RPS6KA2: variants seen among roughly 807,000 people sequenced by gnomAD.
RPS6KA2 encodes the protein ribosomal protein S6 kinase alpha-2.
Under a neutral mutation model 91.8 loss-of-function variants are expected in RPS6KA2, and 42 were observed. The observed-to-expected ratio is 0.46, with a 90% CI of 0.36 to 0.59. RPS6KA2 has a LOEUF of 0.59. Ranked by LOEUF, RPS6KA2 falls within the 20% of genes least tolerant of loss-of-function variation. RPS6KA2 has a pLI of 0.00. For missense variants in RPS6KA2, 798 were observed against 978.5 expected (o/e 0.82, Z 2.46); for synonymous variants, 414 against 393.6 (o/e 1.05, Z -0.61).
At chr6:166,487,886 T>C (rs1265753152) in intron 10 of RPS6KA2, among the ~76,000 whole-genome samples, 2 of 152,232 alleles carry the variant, frequency 1.3e-5, no homozygotes, top group Non-Finnish European at 2.9e-5. Context: ...TTAGCTTCAC[T>C]TTCAATCACT....
intron 17 of RPS6KA2, among the ~76,000 whole-genome samples, chr6:166,421,720 AT>A (rs2128441062): frequency 6.6e-6 from 1 of 152,258 alleles, no homozygotes; most frequent in African/African-American, 2.4e-5. Flanking sequence ...AAATGAGAAG[AT>A]GTGTGTTAAT....
At chr6:166,605,126 G>A (rs983537248) in intron 1 of RPS6KA2, among the ~76,000 whole-genome samples, 4 of 152,146 alleles carry the variant, frequency 2.6e-5, no homozygotes, top group African/African-American at 9.7e-5. Context: ...ATTCTGGCGG[G>A]AGATGATGCA....
At chr6:166,593,358 C>T (rs1412578048) in intron 1 of RPS6KA2, among the ~76,000 whole-genome samples, 1 of 152,056 alleles carries the variant, frequency 6.6e-6, no homozygotes, top group Non-Finnish European at 1.5e-5. Flanking sequence ...AAAAACAGAA[C>T]ATTTGACAAA....
chr6:166,585,250 G>A (rs1179794711), intron 1 of RPS6KA2, among the ~76,000 whole-genome samples: 1 of 152,208 alleles, frequency 6.6e-6, no homozygotes, highest in East Asian at 1.9e-4. Flanking sequence ...AGCCGTCCTC[G>A]CTGGGATGGA....
intron 1 of RPS6KA2, among the ~76,000 whole-genome samples, chr6:166,581,810 C>T (rs1397160901): frequency 7.5e-6 from 1 of 133,026 alleles, no homozygotes; most frequent in Non-Finnish European, 1.6e-5. Context: ...GTGGGCTGGG[C>T]AGGAGGGCAC....
intron 14 of RPS6KA2, among the ~76,000 whole-genome samples, chr6:166,447,868 GC>G (rs1472438498): frequency 6.6e-6 from 1 of 152,236 alleles, no homozygotes; most frequent in Non-Finnish European, 1.5e-5. Flanking sequence ...ACCTCGCTCT[GC>G]GACAGCCTGG....
chr6:166,770,792 T>G lies in RPS6KA2; in HGVS notation c.123+87408A>C. On this transcript the variant is annotated intron_variant, in intron 2 of 21. Transcript: ENST00000503859. This position sits in a 1 kb window ranked among gnomAD's most constrained non-coding sequence, Gnocchi z 5.1. ...ACTCAATAAATTGAAAAAGACTTCATGTTTAACTTAAAAAAAAAATGTAAC... is the reference window on the plus strand; with the variant it reads ...ACTCAATAAATTGAAAAAGACTTCAGGTTTAACTTAAAAAAAAAATGTAAC... 1.4e-6 allele frequency: 2 copies of G among 1,410,082 alleles called. No individual in the cohort carries two copies. The highest frequency in any genetic ancestry group is 1.9e-6 in the Non-Finnish European group (2 of 1,036,302). The allele number at this position is 1,410,082 out of a possible 1,614,324, so 87.3% of individuals were successfully genotyped here.
At chr6:166,483,447 A>G (rs1472326485) in intron 10 of RPS6KA2, among the ~76,000 whole-genome samples, 2 of 152,246 alleles carry the variant, frequency 1.3e-5, no homozygotes, top group East Asian at 3.9e-4. Flanking sequence ...CGCTTCTAGC[A>G]GGAGGACGGC....
At chr6:166,479,236 C>T (rs6456085) in intron 10 of RPS6KA2, among the ~76,000 whole-genome samples, 41,177 of 152,224 alleles carry the variant, frequency 0.27, 8,183 homozygotes, top group African/African-American at 0.57. Flanking sequence ...TTTGGCTTCA[C>T]GGGTCCCCAG....
chr6:166,775,648 G>A (rs1778596535), intron 2 of RPS6KA2, among the ~76,000 whole-genome samples: 1 of 152,244 alleles, frequency 6.6e-6, no homozygotes, highest in Admixed American at 6.5e-5. Context: ...CAGTTCTGAA[G>A]TATCAGCTAC....
intron 2 of RPS6KA2, among the ~76,000 whole-genome samples, chr6:166,717,633 A>C (rs1459807977): frequency 6.6e-6 from 1 of 152,138 alleles, no homozygotes; most frequent in African/African-American, 2.4e-5. Flanking sequence ...GGTGCACAGC[A>C]CACGTTCCAT....
intron 1 of RPS6KA2, among the ~76,000 whole-genome samples, chr6:166,567,705 G>C (rs905728178): frequency 1.1e-4 from 16 of 152,174 alleles, no homozygotes; most frequent in African/African-American, 3.4e-4. Flanking sequence ...CTGGGATTGA[G>C]ATAAATCACA....
At position 166,852,811 on chromosome 6, in the gene RPS6KA2, G is replaced by C. The variant is rs1258635203; in HGVS notation, c.123+5389C>G. ...GGGTCCCTCTGTGACCTCTCAGCTG[G>C]TGCTGTGTCTTCAGCACCCTCCTTG... is the stretch of plus-strand genomic sequence containing the variant. On this transcript the variant is annotated intron_variant, in intron 2 of 21. Transcript: ENST00000503859. The surrounding 1 kb of genome is among the most constrained non-coding windows in gnomAD (Gnocchi z 4.1). Among the ~76,000 whole-genome samples the C allele has an allele frequency of 2.0e-5, 3 of 152,078 alleles. No homozygotes were observed. The highest frequency in any genetic ancestry group is 4.4e-5 in the Non-Finnish European group (3 of 68,000).
In RPS6KA2 at chr6:166,459,701, C is replaced by T. The variant is rs565825012; in HGVS notation, c.973-150G>A. The T allele has an allele frequency of 8.3e-6, 5 of 599,368 alleles. No homozygotes were observed. Among genetic ancestry groups the T allele is most frequent in the South Asian group, 2.0e-5 (1 of 49,794 alleles). The allele number at this position is 599,368 out of a possible 1,614,324, so 37.1% of individuals were successfully genotyped here. A position where few individuals can be genotyped will look rare whatever the true frequency, so the allele number is the denominator to read the frequency against. On this transcript the variant is annotated intron_variant, in intron 11 of 20. Coordinates refer to ENST00000265678, the MANE Select transcript of RPS6KA2 (RefSeq NM_021135.6). This position sits in a 1 kb window ranked among gnomAD's most constrained non-coding sequence, Gnocchi z 4.9. Reference sequence around the variant, plus strand: ...GTGGATTACAAGGGATTTCTAAATACTCTGAAATATAGATGGCATAAAATA... The same window carrying T: ...GTGGATTACAAGGGATTTCTAAATATTCTGAAATATAGATGGCATAAAATA...
At chr6:166,862,443 T>A in exon 1 of RPS6KA2, 1 of 1,234,054 alleles carries the variant, frequency 8.1e-7, no homozygotes, top group Non-Finnish European at 1.1e-6. Flanking sequence ...GGGGAGCTGC[T>A]GCCGCTTCCC....
chr6:166,425,809 T>C (rs1294606186), intron 16 of RPS6KA2, among the ~76,000 whole-genome samples: 1 of 152,204 alleles, frequency 6.6e-6, no homozygotes, highest in East Asian at 1.9e-4. Flanking sequence ...AAGCAAGTCC[T>C]GAATCACCTA....
At chr6:166,846,244 G>A (rs1172002954) in intron 2 of RPS6KA2, among the ~76,000 whole-genome samples, 1 of 151,164 alleles carries the variant, frequency 6.6e-6, no homozygotes, top group Non-Finnish European at 1.5e-5. Context: ...AAAAAGTCCA[G>A]AACCAGATGT....
intron 2 of RPS6KA2, among the ~76,000 whole-genome samples, chr6:166,748,608 T>TCCTCGGGCCCCCCA: frequency 5.9e-5 from 1 of 17,022 alleles, no homozygotes; most frequent in East Asian, 2.6e-3. Flanking sequence ...AGGCCCCCAT[T>TCCTCGGGCCCCCCA]TCCCTGGGCC....
intron 1 of RPS6KA2, among the ~76,000 whole-genome samples, chr6:166,573,967 T>C (rs1784765974): frequency 6.6e-6 from 1 of 151,968 alleles, no homozygotes; most frequent in South Asian, 2.1e-4. Flanking sequence ...CGCAGGATCT[T>C]TAAAAGGACT....
Sources: gnomAD v4.1 joint callset for allele counts (sites outside exome capture counted in the v4.1 genomes callset) on GRCh38, gnomAD v4.1.1 for gene constraint, Gnocchi (gnomAD v3.1) non-coding constraint, MANE v1.5 for transcripts, NCBI Gene and HGNC (gene_info 2026-07-23, HGNC 2026-07-21) for gene names.